FRMD4A: variants seen among roughly 807,000 people sequenced by gnomAD.
The protein encoded by FRMD4A is FERM domain containing 4A, also known as FERM domain-containing protein 4A.
FRMD4A carries 29 observed loss-of-function variants against 129.1 expected under a neutral mutation model. That is an observed-to-expected ratio of 0.22 (90% CI 0.17 to 0.31). FRMD4A has a LOEUF of 0.31. Ranked by LOEUF, FRMD4A falls within the 10% of genes least tolerant of loss-of-function variation. FRMD4A has a pLI of 1.00. For missense variants in FRMD4A, 1,272 were observed against 1,375.8 expected (o/e 0.92, Z 1.19); for synonymous variants, 634 against 571.6 (o/e 1.11, Z -1.56).
chr10:13,757,509 C>T (rs1037162003), intron 8 of FRMD4A, among the ~76,000 whole-genome samples: 3 of 152,298 alleles, frequency 2.0e-5, no homozygotes, highest in African/African-American at 7.2e-5. Flanking sequence ...TCTCTCAGCA[C>T]GCTAAACCTG....
chr10:14,095,626 T>G (rs1019968705), intron 2 of FRMD4A, among the ~76,000 whole-genome samples: 3 of 152,274 alleles, frequency 2.0e-5, no homozygotes, highest in African/African-American at 7.2e-5. Flanking sequence ...TGTTGCTCAC[T>G]GCATCCATTT....
At chr10:13,963,975 G>A (rs2095465217) in intron 2 of FRMD4A, among the ~76,000 whole-genome samples, 1 of 151,356 alleles carries the variant, frequency 6.6e-6, no homozygotes, top group African/African-American at 2.4e-5. Context: ...GCAGTGATGG[G>A]TGAACCACTG....
intron 2 of FRMD4A, among the ~76,000 whole-genome samples, chr10:13,966,487 A>G (rs2095486017): frequency 6.6e-6 from 1 of 152,226 alleles, no homozygotes; most frequent in African/African-American, 2.4e-5. Context: ...TAAAGAAGTC[A>G]TATGTAAAAG....
intron 2 of FRMD4A, among the ~76,000 whole-genome samples, chr10:13,942,418 GA>G (rs1281947691): frequency 1.3e-5 from 2 of 152,166 alleles, no homozygotes; most frequent in Admixed American, 1.3e-4. Flanking sequence ...GAAGTCATCA[GA>G]CAGAGATAAC....
intron 12 of FRMD4A, among the ~76,000 whole-genome samples, chr10:13,722,148 C>T (rs956152809): frequency 3.3e-5 from 5 of 151,328 alleles, no homozygotes; most frequent in African/African-American, 7.3e-5. Flanking sequence ...TGCAAAATCC[C>T]GTGCAGCAGA....
At chr10:13,879,647 A>G (rs1209450340) in intron 2 of FRMD4A, among the ~76,000 whole-genome samples, 1 of 150,368 alleles carries the variant, frequency 6.7e-6, no homozygotes, top group Non-Finnish European at 1.5e-5. Flanking sequence ...ACAATGAGGA[A>G]TTCTTTTCTT....
chr10:14,076,121 C>T (rs1260332026), intron 2 of FRMD4A, among the ~76,000 whole-genome samples: 1 of 152,260 alleles, frequency 6.6e-6, no homozygotes, highest in East Asian at 1.9e-4. Context: ...CACTATGCAC[C>T]CCTTCACCTG....
In FRMD4A at chr10:13,659,404, A is replaced by G; in HGVS notation, c.1985T>C (p.Leu662Pro). The change falls in exon 21 of 25, where the codon CTC becomes CCC. Residue 662 changes from leucine (L) to proline (P), a missense_variant. This residue lies in a region of FRMD4A where 972 missense variants were observed against 892.3 expected (regional missense o/e 1.09). Coordinates refer to ENST00000357447, the MANE Select transcript of FRMD4A (RefSeq NM_018027.5). ...GCTGGACTGGGAGTTCCAGTGCGGG[A>G]GGCCGCGGATGGGGCTGTTCTGCAA... ...NSLQNSPIRG[L>P]PHWNSQSSMP... 1 of 1,614,046 alleles carries G rather than the reference A, an allele frequency of 6.2e-7. No homozygotes were observed. The highest frequency in any genetic ancestry group is 2.2e-5 in the East Asian group (1 of 44,892).
chr10:14,148,054 T>C (rs765179835), intron 2 of FRMD4A, among the ~76,000 whole-genome samples: 1 of 152,160 alleles, frequency 6.6e-6, no homozygotes, highest in Non-Finnish European at 1.5e-5. Context: ...CTCAGTAATA[T>C]TGGCCGTTCT....
chr10:13,891,559 G>C, intron 2 of FRMD4A: 1 of 971,016 alleles, frequency 1.0e-6, no homozygotes, highest in Non-Finnish European at 1.2e-6. Flanking sequence ...GTGAAAACAC[G>C]GAAGGCGAAG....
chr10:13,787,990 A>G (rs2092910217), intron 5 of FRMD4A, among the ~76,000 whole-genome samples: 1 of 152,162 alleles, frequency 6.6e-6, no homozygotes, highest in Admixed American at 6.5e-5. Flanking sequence ...TCCAGGGTTC[A>G]CAAAGAACAT....
At chr10:14,239,331 A>C (rs1222258218) in intron 2 of FRMD4A, among the ~76,000 whole-genome samples, 1 of 152,190 alleles carries the variant, frequency 6.6e-6, no homozygotes, top group African/African-American at 2.4e-5. Flanking sequence ...TGTTCTTTTA[A>C]AACTGGCAAA....
intron 2 of FRMD4A, among the ~76,000 whole-genome samples, chr10:14,188,741 C>T (rs571619109): frequency 1.6e-4 from 24 of 152,268 alleles, no homozygotes; most frequent in African/African-American, 3.4e-4. Flanking sequence ...CCCGTCCCTA[C>T]GAAAAATCAA....
At position 14,269,352 on chromosome 10, in the gene FRMD4A, C is replaced by T. The variant is rs559230451; in HGVS notation, c.45+60706G>A. ...CGTACGAGTTTAGCAGCTTAAACAACCCGACCGTATTATGTTATGGTTCTG... is the reference window on the plus strand; with the variant it reads ...CGTACGAGTTTAGCAGCTTAAACAATCCGACCGTATTATGTTATGGTTCTG... On this transcript the variant is annotated intron_variant, in intron 2 of 24. Transcript: ENST00000357447. 1.6e-3 allele frequency among the ~76,000 whole-genome samples: 250 copies of T among 152,294 alleles called. 1 individual carries two copies. The highest frequency in any genetic ancestry group is 5.6e-3 in the African/African-American group (233 of 41,560).
intron 2 of FRMD4A, among the ~76,000 whole-genome samples, chr10:14,325,803 T>C (rs779785315): frequency 5.9e-5 from 9 of 152,168 alleles, no homozygotes; most frequent in Admixed American, 3.3e-4. Context: ...AAAGAATTTA[T>C]AAAGAAATGA....
At chr10:14,128,650 G>T (rs891873813) in intron 2 of FRMD4A, among the ~76,000 whole-genome samples, 2 of 152,140 alleles carry the variant, frequency 1.3e-5, no homozygotes, top group Admixed American at 1.3e-4. Context: ...CCAACTCAGC[G>T]GGCCGTATGT....
intron 2 of FRMD4A, among the ~76,000 whole-genome samples, chr10:14,143,765 C>G (rs1839948796): frequency 6.6e-6 from 1 of 152,078 alleles, no homozygotes; most frequent in Non-Finnish European, 1.5e-5. Context: ...CAGGTACCCA[C>G]CATCATGCCT....
chr10:13,671,964 C>T (rs925123948), intron 16 of FRMD4A, among the ~76,000 whole-genome samples: 6 of 152,262 alleles, frequency 3.9e-5, no homozygotes, highest in Non-Finnish European at 8.8e-5. Flanking sequence ...AAAGCTTTTG[C>T]GCAGGGCAGC....
intron 2 of FRMD4A, among the ~76,000 whole-genome samples, chr10:14,004,854 C>T (rs985220981): frequency 1.3e-5 from 2 of 152,176 alleles, no homozygotes; most frequent in African/African-American, 4.8e-5. Flanking sequence ...ACTCTTGTCA[C>T]CCCACCCTGC....
Sources: allele counts gnomAD v4.1 joint callset (sites outside exome capture counted in the v4.1 genomes callset), GRCh38; gene constraint gnomAD v4.1.1; regional missense constraint gnomAD v4.1.1; transcripts MANE v1.5; gene names NCBI Gene and HGNC (gene_info 2026-07-23, HGNC 2026-07-21).